Variants in MYO9B observed in about 807,000 individuals in gnomAD.
The protein encoded by MYO9B is myosin IXB, also known as unconventional myosin-IXb.
In MYO9B, 71 loss-of-function variants were observed where a neutral mutation model predicts 229.5. The observed-to-expected ratio is 0.31, with a 90% CI of 0.26 to 0.38. MYO9B has a LOEUF of 0.38. MYO9B is among the 10% of genes least tolerant of loss of function. MYO9B has a pLI of 1.00. For missense variants in MYO9B, 2,255 were observed against 2,920.5 expected (o/e 0.77, Z 5.25); for synonymous variants, 1,185 against 1,235.8 (o/e 0.96, Z 0.86).
chr19:17,161,210 A>C (rs1599380896), intron 8 of MYO9B, among the ~76,000 whole-genome samples: 2 of 148,160 alleles, frequency 1.3e-5, no homozygotes. Context: ...CGCACGCCCC[A>C]CCCCCTCCCC....
chr19:17,098,946 A>T (rs1261901565), intron 1 of MYO9B, among the ~76,000 whole-genome samples: 1 of 128,466 alleles, frequency 7.8e-6, no homozygotes, highest in Admixed American at 8.0e-5. Flanking sequence ...AAAAAAAAAA[A>T]AGAAGAAGAA....
chr19:17,193,230 A>G lies in MYO9B; in HGVS notation c.3128+168A>G, dbSNP rs563511122. ...AGATGCCTAGGCACTCATGGGCTGC[A>G]GAGAAGTGCTCCAAGGCTGGCAGGC... On this transcript the variant is annotated intron_variant, in intron 21 of 39. Transcript: ENST00000682292. The surrounding 1 kb of genome is among the most constrained non-coding windows in gnomAD (Gnocchi z 4.3). Among the ~76,000 whole-genome samples, 1 of 152,364 alleles carries G rather than the reference A, an allele frequency of 6.6e-6. No homozygotes were observed. The highest frequency in any genetic ancestry group is 2.4e-5 in the African/African-American group (1 of 41,582).
At chr19:17,110,182 C>T (rs946794353) in intron 2 of MYO9B, among the ~76,000 whole-genome samples, 1 of 152,224 alleles carries the variant, frequency 6.6e-6, no homozygotes, top group African/African-American at 2.4e-5. Context: ...CCCCTGACCC[C>T]CGCCCCCCGC....
chr19:17,199,792 C>T (rs1331411116), intron 24 of MYO9B, among the ~76,000 whole-genome samples: 2 of 151,208 alleles, frequency 1.3e-5, no homozygotes, highest in Admixed American at 6.6e-5. Context: ...GATCCACCCA[C>T]CTCAGCCTGC....
intron 3 of MYO9B, among the ~76,000 whole-genome samples, chr19:17,152,428 A>C (rs2072487985): frequency 7.0e-6 from 1 of 142,552 alleles, no homozygotes; most frequent in Non-Finnish European, 1.6e-5. Flanking sequence ...GGGGGTTGGC[A>C]CACCCCTGTA....
At chr19:17,090,471 A>G (rs1600025118) in intron 1 of MYO9B, among the ~76,000 whole-genome samples, 1 of 152,284 alleles carries the variant, frequency 6.6e-6, no homozygotes, top group East Asian at 1.9e-4. Context: ...TTTATGGCCA[A>G]ATAATATTCT....
chr19:17,209,021 C>T (rs962345071), intron 35 of MYO9B, among the ~76,000 whole-genome samples: 1 of 152,114 alleles, frequency 6.6e-6, no homozygotes, highest in Non-Finnish European at 1.5e-5. Context: ...AAGCTGAGTC[C>T]CTCTGGTTCT....
chr19:17,192,836 C>T lies in MYO9B; in HGVS notation c.2902C>T (p.Arg968Trp), dbSNP rs1398831003. The stretch of plus-strand genomic sequence containing the variant: ...AATCCTGCTGCTGCAGAGCTGGTTC[C>T]GGATGGTGCTGGAGCGTCGGCACTT... ...RKILLLQSWFRMVLERRHFLQ... is the reference protein window; with the variant it reads ...RKILLLQSWFWMVLERRHFLQ... The change falls in exon 21 of 40, where the codon CGG (arginine) becomes TGG (tryptophan). Residue 968 changes from arginine (R) to tryptophan (W), a missense_variant. By Grantham distance (101) the Arg-to-Trp change is moderately radical. Transcript: ENST00000682292. The T allele has an allele frequency of 3.2e-6, 5 of 1,553,730 alleles. No individual in the cohort carries two copies. The highest frequency in any genetic ancestry group is 1.9e-5 in the Admixed American group (1 of 51,324).
Position 17,198,209 on chromosome 19 carries a change from A to T in MYO9B, c.4139A>T (p.Glu1380Val). 6.2e-7 allele frequency: 1 copy of T among 1,613,890 alleles called. No homozygotes were observed. The highest frequency in any genetic ancestry group is 2.2e-5 in the East Asian group (1 of 44,876). The change falls in exon 24 of 40, where the codon GAG becomes GTG. Residue 1380 changes from glutamate to valine, a missense_variant. By Grantham distance (121) the Glu-to-Val change is moderately radical. Around this residue, in one of 7 missense-constraint regions of MYO9B, gnomAD observed 679 missense variants for 770.2 expected, o/e 0.88. Transcript: ENST00000682292. Reference protein sequence around the residue: ...AQPAAETTDGERSAKKPAVQK... With the variant: ...AQPAAETTDGVRSAKKPAVQK... ...CCTGCAGCAGAAACCACGGACGGAG[A>T]GCGAAGTGCGAAAAAGCCAGCTGTC...
Position 17,198,219 on chromosome 19 carries a change from G to A in MYO9B, c.4149G>A (p.Ala1383=), listed in dbSNP as rs774912716. Residue 1383 remains alanine (A), a synonymous_variant, in exon 24 of 40, where the codon GCG becomes GCA. Transcript: ENST00000682292. ...AAETTDGERS[A]KKPAVQKKKP... ...AAACCACGGACGGAGAGCGAAGTGCGAAAAAGCCAGCTGTCCAGAAGAAGA... is the reference window on the plus strand; with the variant it reads ...AAACCACGGACGGAGAGCGAAGTGCAAAAAAGCCAGCTGTCCAGAAGAAGA... 7.4e-6 allele frequency: 12 copies of A among 1,613,872 alleles called. No individual in the cohort carries two copies. Among genetic ancestry groups the A allele is most frequent in the Admixed American group, 5.0e-5 (3 of 60,002 alleles).
chr19:17,197,801 C>T lies in MYO9B; in HGVS notation c.4056C>T (p.Arg1352=). ...GAALTPTEER[R]TSFSTSDVSK... ...TTCTGTGATCTCGCAGGGAGAGGCG[C>T]ACCTCCTTCTCCACGAGCGACGTCT... Residue 1352 remains arginine, a synonymous_variant, in exon 23 of 40, where the codon CGC becomes CGT. Coordinates refer to ENST00000682292, the MANE Select transcript of MYO9B (RefSeq NM_004145.4). The T allele has an allele frequency of 4.3e-6, 7 of 1,613,830 alleles. No individual in the cohort carries two copies. Among genetic ancestry groups the T allele is most frequent in the Non-Finnish European group, 5.9e-6 (7 of 1,179,882 alleles).
In MYO9B at chr19:17,210,924, C is replaced by T. The variant is rs545343535; in HGVS notation, c.5930+76C>T. ...AGTGCAGGTTCCATCCCTGGTGGTC[C>T]GCTTGACCTCGCCAGGTTTGGTCCT... On this transcript the variant is annotated intron_variant, in intron 38 of 39. Coordinates refer to ENST00000682292, the MANE Select transcript of MYO9B (RefSeq NM_004145.4). 457 of 1,521,060 alleles carry T rather than the reference C, an allele frequency of 3.0e-4. No individual in the cohort carries two copies. In the African/African-American group the frequency reaches 4.7e-3, roughly 16 times the overall value. The allele number at this position is 1,521,060 out of a possible 1,614,324, so 94.2% of individuals were successfully genotyped here.
Position 17,172,632 on chromosome 19 carries a change from G to T in MYO9B, c.1936-127G>T. The T allele has an allele frequency of 6.8e-7, 1 of 1,467,236 alleles. No homozygotes were observed. The allele number at this position is 1,467,236 out of a possible 1,614,324, so 90.9% of individuals were successfully genotyped here. A position where few individuals can be genotyped will look rare whatever the true frequency, so the allele number is the denominator to read the frequency against. Reference sequence around the variant, plus strand: ...CAATGTCCAAGGCGCCATAGTTCAAGAACTGCCATTTGCACTTAGGATGGG... The same window carrying T: ...CAATGTCCAAGGCGCCATAGTTCAATAACTGCCATTTGCACTTAGGATGGG... On this transcript the variant is annotated intron_variant, in intron 12 of 39. Coordinates refer to ENST00000682292, the MANE Select transcript of MYO9B (RefSeq NM_004145.4). This position sits in a 1 kb window ranked among gnomAD's most constrained non-coding sequence, Gnocchi z 8.2.
chr19:17,181,408 C>A (rs1381873866), intron 15 of MYO9B, among the ~76,000 whole-genome samples: 1 of 152,228 alleles, frequency 6.6e-6, no homozygotes, highest in Non-Finnish European at 1.5e-5. Flanking sequence ...AAGCCATCTG[C>A]AGCAGGGCAT....
At chr19:17,142,854 T>A (rs975473711) in intron 2 of MYO9B, among the ~76,000 whole-genome samples, 3 of 152,146 alleles carry the variant, frequency 2.0e-5, no homozygotes, top group African/African-American at 7.2e-5. Context: ...CAGACCAGAT[T>A]TGGCCCACAG....
At chr19:17,202,342 C>T in intron 28 of MYO9B, 39 bp downstream of exon 28, 1 of 1,524,018 alleles carries the variant, frequency 6.6e-7, no homozygotes, top group Non-Finnish European at 8.8e-7. Context: ...TGTGACATGC[C>T]ACGCCTACCC....
intron 8 of MYO9B, 60 bp downstream of exon 8, chr19:17,159,544 T>G: frequency 6.9e-7 from 1 of 1,445,814 alleles, no homozygotes; most frequent in Non-Finnish European, 9.6e-7. Context: ...GGGAATGGTC[T>G]TTGGAAAGAG....
chr19:17,209,764 C>A, intron 36 of MYO9B, 55 bp downstream of exon 36: 1 of 1,506,358 alleles, frequency 6.6e-7, no homozygotes, highest in Non-Finnish European at 9.0e-7. Flanking sequence ...GAGCCTGGTG[C>A]TGGGCAGGGC....
chr19:17,118,368 G>A (rs1271201499), intron 2 of MYO9B, among the ~76,000 whole-genome samples: 5 of 152,050 alleles, frequency 3.3e-5, no homozygotes, highest in Non-Finnish European at 1.5e-5. Flanking sequence ...TTGGCAGGCT[G>A]AGGCAGGAGG....
Sources: gnomAD v4.1 joint callset for allele counts (sites outside exome capture counted in the v4.1 genomes callset) on GRCh38, gnomAD v4.1.1 for gene constraint, gnomAD v4.1.1 regional missense constraint, Gnocchi (gnomAD v3.1) non-coding constraint, MANE v1.5 for transcripts, NCBI Gene and HGNC (gene_info 2026-07-23, HGNC 2026-07-21) for gene names.